TRHDE: variants seen among roughly 807,000 people sequenced by gnomAD.
TRHDE encodes thyrotropin releasing hormone degrading enzyme.
A neutral mutation model predicts 125.7 loss-of-function variants in TRHDE; 72 were observed. The ratio of observed to expected loss-of-function variants is 0.57; its 90% CI spans 0.47 to 0.70. The LOEUF (loss-of-function observed/expected upper bound fraction) is 0.70. Among genes scored for constraint, TRHDE ranks in the 30% least tolerant of loss-of-function variants. The probability of loss-of-function intolerance (pLI) is 0.00; values close to 1 mark genes in which losing one functional copy is unlikely to be tolerated. For missense variants in TRHDE, 1,110 were observed against 1,327.1 expected, an observed-to-expected ratio of 0.84 and a Z score of 2.54; for synonymous variants, 509 against 509.1, an observed-to-expected ratio of 1.00 and a Z score of 0.00.
intron 2 of TRHDE, among the ~76,000 whole-genome samples, chr12:72,128,198 A>G (rs191111460): frequency 2.6e-5 from 4 of 152,262 alleles, no homozygotes; most frequent in African/African-American, 9.6e-5. Flanking sequence ...CAGTAGTGGG[A>G]AATAATTAGC....
chr12:72,402,831 A>T (rs1873100807), intron 3 of TRHDE, among the ~76,000 whole-genome samples: 1 of 152,162 alleles, frequency 6.6e-6, no homozygotes, highest in Non-Finnish European at 1.5e-5. Flanking sequence ...AAAGGTAAGT[A>T]GTCCATGTTG....
chr12:72,636,160 G>C (rs1346271283), intron 15 of TRHDE, among the ~76,000 whole-genome samples: 1 of 151,958 alleles, frequency 6.6e-6, no homozygotes, highest in African/African-American at 2.4e-5. Context: ...CCATGTGTTT[G>C]TATCCTCTTT....
chr12:72,352,125 G>T (rs1450080456), intron 2 of TRHDE, among the ~76,000 whole-genome samples: 1 of 151,638 alleles, frequency 6.6e-6, no homozygotes, highest in African/African-American at 2.4e-5. Flanking sequence ...CAGGGTTGTT[G>T]TCAATTTTTC....
intron 15 of TRHDE, among the ~76,000 whole-genome samples, chr12:72,646,584 A>G (rs1423814133): frequency 1.3e-5 from 2 of 152,098 alleles, no homozygotes; most frequent in Non-Finnish European, 2.9e-5. Context: ...AGTGTTGGTA[A>G]GAGTCTCACT....
chr12:72,393,240 G>A (rs2135793355), intron 3 of TRHDE, among the ~76,000 whole-genome samples: 1 of 152,264 alleles, frequency 6.6e-6, no homozygotes, highest in Middle Eastern at 3.4e-3. Flanking sequence ...GGAAGATAGA[G>A]AATAACTGCT....
chr12:72,666,915 C>T lies in TRHDE; in HGVS notation c.*3720C>T, dbSNP rs1031780726. ...TATCTTTTATTGAACATTGTTTAAACATAACCTTAAAGTACTGATAATTTG... is the reference window on the plus strand; with the variant it reads ...TATCTTTTATTGAACATTGTTTAAATATAACCTTAAAGTACTGATAATTTG... On this transcript the variant is annotated 3_prime_UTR_variant, in exon 19 of 19. Coordinates refer to ENST00000261180, the MANE Select transcript of TRHDE (RefSeq NM_013381.3). 5.9e-5 allele frequency: 9 copies of T among 151,928 alleles called. No individual in the cohort carries two copies. Among genetic ancestry groups the T allele is most frequent in the African/African-American group, 2.2e-4 (9 of 41,420 alleles). The allele number at this position is 151,928 out of a possible 1,614,324, so 9.4% of individuals were successfully genotyped here.
At chr12:72,554,683 A>T (rs1869837827) in intron 7 of TRHDE, among the ~76,000 whole-genome samples, 1 of 152,182 alleles carries the variant, frequency 6.6e-6, no homozygotes, top group Admixed American at 6.5e-5. Flanking sequence ...CTTGATCAGG[A>T]TATTCAGAAA....
chr12:72,137,893 A>G (rs1480182722), intron 2 of TRHDE, among the ~76,000 whole-genome samples: 1 of 152,248 alleles, frequency 6.6e-6, no homozygotes, highest in Non-Finnish European at 1.5e-5. Flanking sequence ...TCCACAGGAA[A>G]GACCTTGAAA....
intron 2 of TRHDE, among the ~76,000 whole-genome samples, chr12:72,122,653 T>C (rs1167436225): frequency 6.6e-6 from 1 of 152,122 alleles, no homozygotes; most frequent in Non-Finnish European, 1.5e-5. Flanking sequence ...CTTAGAGTTT[T>C]ATATGGCAGC....
intron 2 of TRHDE, among the ~76,000 whole-genome samples, chr12:72,158,333 T>C (rs1294566171): frequency 6.6e-6 from 1 of 151,488 alleles, no homozygotes; most frequent in Non-Finnish European, 1.5e-5. Flanking sequence ...AGTGAAATTA[T>C]ATGTATATAT....
At chr12:72,129,017 G>A (rs1875790799) in intron 2 of TRHDE, among the ~76,000 whole-genome samples, 1 of 152,140 alleles carries the variant, frequency 6.6e-6, no homozygotes, top group South Asian at 2.1e-4. Flanking sequence ...CAGTGTTAAA[G>A]AGGAAATATT....
chr12:72,559,782 G>A (rs558768835), intron 7 of TRHDE, among the ~76,000 whole-genome samples: 1 of 152,042 alleles, frequency 6.6e-6, no homozygotes, highest in Admixed American at 6.5e-5. Flanking sequence ...GGTTTGAAAA[G>A]AACTTAAAAT....
chr12:72,586,537 G>A (rs1448025546), intron 12 of TRHDE, among the ~76,000 whole-genome samples: 2 of 152,164 alleles, frequency 1.3e-5, no homozygotes, highest in East Asian at 3.9e-4. Context: ...CTTGCTTAAT[G>A]TTAAAGATGT....
chr12:72,164,385 A>G (rs1453351258), intron 2 of TRHDE, among the ~76,000 whole-genome samples: 2 of 152,134 alleles, frequency 1.3e-5, no homozygotes, highest in Admixed American at 1.3e-4. Context: ...ACTCTTATTA[A>G]CCTCAATAGG....
intron 2 of TRHDE, among the ~76,000 whole-genome samples, chr12:72,374,377 G>A (rs971551325): frequency 6.7e-6 from 1 of 150,236 alleles, no homozygotes; most frequent in African/African-American, 2.4e-5. Flanking sequence ...TGAGATGCTT[G>A]TTAGATCTCC....
At chr12:72,617,670 C>T (rs1333132877) in intron 12 of TRHDE, among the ~76,000 whole-genome samples, 1 of 152,104 alleles carries the variant, frequency 6.6e-6, no homozygotes, top group Non-Finnish European at 1.5e-5. Context: ...AAATACCTTA[C>T]ACTGGGTAAT....
At chr12:72,574,559 A>C (rs1870899380) in intron 10 of TRHDE, among the ~76,000 whole-genome samples, 2 of 152,076 alleles carry the variant, frequency 1.3e-5, no homozygotes, top group South Asian at 4.1e-4. Context: ...GAAGGAGTTA[A>C]ATATGTAAGA....
intron 2 of TRHDE, among the ~76,000 whole-genome samples, chr12:72,351,646 C>G (rs913961369): frequency 2.0e-5 from 3 of 151,920 alleles, no homozygotes; most frequent in African/African-American, 7.2e-5. Context: ...GCTACTATCT[C>G]TCCATTGGAC....
In TRHDE at chr12:72,135,778, A is replaced by G. The variant is rs76107512; in HGVS notation, n.279+30026A>G. On this transcript the variant is annotated intron_variant and non_coding_transcript_variant, in intron 2 of 4. Coordinates refer to the TRHDE transcript ENST00000548156. Reference sequence around the variant, plus strand: ...TGAGGATTTTTCTCCCTTTAGAAGCAAGCTGTTGTGCTTCCATCCAGGTCT... The same window carrying G: ...TGAGGATTTTTCTCCCTTTAGAAGCGAGCTGTTGTGCTTCCATCCAGGTCT... Among the ~76,000 whole-genome samples, 101 of 152,230 alleles carry G rather than the reference A, an allele frequency of 6.6e-4. No homozygotes were observed. The East Asian group carries it at 0.019, about 28-fold the overall frequency.
Sources: gnomAD v4.1 joint callset for allele counts (sites outside exome capture counted in the v4.1 genomes callset) on GRCh38, gnomAD v4.1.1 for gene constraint, MANE v1.5 for transcripts, NCBI Gene and HGNC (gene_info 2026-07-23, HGNC 2026-07-21) for gene names.